Variants in MSH4 observed in about 807,000 individuals in gnomAD.
MSH4 encodes the protein mutS protein homolog 4.
Under a neutral mutation model 113.7 loss-of-function variants are expected in MSH4, and 106 were observed. The observed-to-expected ratio is 0.93, with a 90% CI of 0.80 to 1.10. The LOEUF is 1.10. Ranked by LOEUF, MSH4 falls within the 50% of genes least tolerant of loss-of-function variation. The pLI is 0.00. For synonymous variants in MSH4, 368 were observed against 380.2 expected, an observed-to-expected ratio of 0.97 and a Z score of 0.37; for missense variants, 1,061 against 1,093.7, an observed-to-expected ratio of 0.97 and a Z score of 0.42.
intron 7 of MSH4, among the ~76,000 whole-genome samples, chr1:75,829,498 C>T (rs1274079689): frequency 6.6e-6 from 1 of 152,226 alleles, no homozygotes; most frequent in Non-Finnish European, 1.5e-5. Flanking sequence ...CCAAGTGGGG[C>T]CATGACCCCC....
At chr1:75,847,854 C>G in intron 7 of MSH4, among the ~76,000 whole-genome samples, 1 of 152,120 alleles carries the variant, frequency 6.6e-6, no homozygotes, top group East Asian at 1.9e-4. Flanking sequence ...GAGAGTGGAG[C>G]CTCTGTGACC....
rs999562479 is a variant in MSH4 at position 75,822,312 on chromosome 1, A to G, written c.990-97A>G. On this transcript the variant is annotated intron_variant, in intron 6 of 19. Coordinates refer to ENST00000263187, the MANE Select transcript of MSH4 (RefSeq NM_002440.4). ...TCAAAAAAAAAAAAAAAAAAGAATC[A>G]TTGCTGTAGATTATAGGATTATTTA... 1.9e-4 allele frequency: 140 copies of G among 724,368 alleles called. No individual in the cohort carries two copies. In the African/African-American group the frequency reaches 2.5e-3, roughly 13 times the overall value. The allele number at this position is 724,368 out of a possible 1,614,324, so 44.9% of individuals were successfully genotyped here.
chr1:75,890,754 GC>G lies in MSH4; in HGVS notation c.2286del (p.Arg763GlufsTer20). The G allele has an allele frequency of 6.2e-7, 1 of 1,610,318 alleles. No individual in the cohort carries two copies. Among genetic ancestry groups the G allele is most frequent in the Non-Finnish European group, 8.5e-7 (1 of 1,178,080 alleles). On this transcript the variant is annotated frameshift_variant, in exon 17 of 20. Coordinates refer to ENST00000263187, the MANE Select transcript of MSH4 (RefSeq NM_002440.4). LOFTEE classifies it high-confidence loss of function. ...DKSLILIDEL[G>X]RGTNTEEGIG... ...TCGCTCATATTAATTGATGAACTTGGCAGAGGTACTAATACGGAAGAAGGTA... is the reference window on the plus strand; with the variant it reads ...TCGCTCATATTAATTGATGAACTTGGAGAGGTACTAATACGGAAGAAGGTA...
chr1:75,831,768 T>G (rs572484765), intron 7 of MSH4, among the ~76,000 whole-genome samples: 1 of 152,310 alleles, frequency 6.6e-6, no homozygotes, highest in South Asian at 2.1e-4. Flanking sequence ...CCAGAATCTC[T>G]GGCACACATT....
At chr1:75,812,680 C>A (rs898763922) in intron 4 of MSH4, among the ~76,000 whole-genome samples, 1 of 152,116 alleles carries the variant, frequency 6.6e-6, no homozygotes, top group African/African-American at 2.4e-5. Flanking sequence ...GGCAACAGAG[C>A]AAGACTCCAT....
At chr1:75,844,107 G>A (rs562632921) in intron 7 of MSH4, among the ~76,000 whole-genome samples, 4 of 152,090 alleles carry the variant, frequency 2.6e-5, no homozygotes, top group East Asian at 1.9e-4. Flanking sequence ...CACCACGCCC[G>A]GCTCTTATTT....
chr1:75,889,430 A>G, intron 16 of MSH4, 61 bp downstream of exon 16: 1 of 699,036 alleles, frequency 1.4e-6, no homozygotes, highest in Non-Finnish European at 2.4e-6. Flanking sequence ...ATGGCCAGTT[A>G]TCACATAAAA....
intron 11 of MSH4, 92 bp downstream of exon 11, chr1:75,878,410 A>G (rs561292851): frequency 1.0e-6 from 1 of 985,736 alleles, no homozygotes; most frequent in Non-Finnish European, 1.5e-6. Context: ...CTAGCCATAC[A>G]TATTTTAAAT....
intron 15 of MSH4, among the ~76,000 whole-genome samples, chr1:75,884,565 G>C (rs5745492): frequency 6.6e-6 from 1 of 151,712 alleles, no homozygotes; most frequent in African/African-American, 2.4e-5. Context: ...GTAGAGTCCA[G>C]GAATGCTGTT....
At chr1:75,867,897 A>T (rs1020613311) in intron 9 of MSH4, among the ~76,000 whole-genome samples, 34 of 152,110 alleles carry the variant, frequency 2.2e-4, no homozygotes, top group African/African-American at 8.0e-4. Context: ...ATTAATACTG[A>T]TGCAATACTA....
At chr1:75,886,651 T>C (rs1570990080) in intron 15 of MSH4, among the ~76,000 whole-genome samples, 1 of 132,590 alleles carries the variant, frequency 7.5e-6, no homozygotes, top group Middle Eastern at 5.2e-3. Flanking sequence ...TATGTATAAA[T>C]ATAGAAATAT....
chr1:75,872,071 T>C (rs924577068), intron 9 of MSH4, among the ~76,000 whole-genome samples: 2 of 152,160 alleles, frequency 1.3e-5, no homozygotes, highest in African/African-American at 4.8e-5. Flanking sequence ...TGTGTTGCAG[T>C]CAAAATGCAG....
chr1:75,812,407 A>G (rs1650208849), intron 4 of MSH4, among the ~76,000 whole-genome samples: 3 of 152,052 alleles, frequency 2.0e-5, no homozygotes, highest in Admixed American at 2.0e-4. Context: ...TATAACAAAA[A>G]GTAAGACCAG....
chr1:75,821,719 C>G (rs1146656), intron 6 of MSH4, among the ~76,000 whole-genome samples: 14 of 152,060 alleles, frequency 9.2e-5, no homozygotes, highest in Admixed American at 5.2e-4. Flanking sequence ...AGCAATCCTC[C>G]CATCTCAGCC....
intron 6 of MSH4, among the ~76,000 whole-genome samples, chr1:75,820,745 T>G (rs1650390997): frequency 6.6e-6 from 1 of 152,194 alleles, no homozygotes; most frequent in African/African-American, 2.4e-5. Flanking sequence ...GGTCTATCAA[T>G]TTTGTTTATC....
chr1:75,803,894 A>G lies in MSH4; in HGVS notation c.408A>G (p.Thr136=). 2 of 1,525,418 alleles carry G rather than the reference A, an allele frequency of 1.3e-6. No individual in the cohort carries two copies. The highest frequency in any genetic ancestry group is 1.4e-5 in the African/African-American group (1 of 71,346). The allele number at this position is 1,525,418 out of a possible 1,614,324, so 94.5% of individuals were successfully genotyped here. Residue 136 remains threonine, a synonymous_variant, in exon 2 of 20, where the codon ACA becomes ACG. Transcript: ENST00000263187. ...NPQRSGYKSW[T]PQVGYSASSS... ...AGAGATCAGGTTATAAGAGCTGGACACCACAAGTGGGATATTCAGGTAAAA... is the reference window on the plus strand; with the variant it reads ...AGAGATCAGGTTATAAGAGCTGGACGCCACAAGTGGGATATTCAGGTAAAA...
chr1:75,824,904 G>GTTTTTTTTTTTTTT, intron 7 of MSH4, among the ~76,000 whole-genome samples: 1 of 120,236 alleles, frequency 8.3e-6, no homozygotes, highest in South Asian at 2.7e-4. Context: ...CTTCAGCTTT[G>GTTTTTTTTTTTTTT]TTTTTTTTTT....
chr1:75,823,765 C>T (rs1209903492), intron 7 of MSH4, among the ~76,000 whole-genome samples: 5 of 152,030 alleles, frequency 3.3e-5, no homozygotes, highest in Admixed American at 6.6e-5. Context: ...CTGAGGATGA[C>T]GGTTCCCAGC....
intron 7 of MSH4, among the ~76,000 whole-genome samples, chr1:75,835,740 T>C (rs573495771): frequency 1.3e-5 from 2 of 152,338 alleles, no homozygotes; most frequent in South Asian, 4.1e-4. Flanking sequence ...TAGCTACCAC[T>C]ATATCACTTC....
Sources: gnomAD v4.1 joint callset for allele counts (sites outside exome capture counted in the v4.1 genomes callset) on GRCh38, gnomAD v4.1.1 for gene constraint, MANE v1.5 for transcripts, NCBI Gene and HGNC (gene_info 2026-07-23, HGNC 2026-07-21) for gene names.